The following GLDC variants were observed in gnomAD, a reference collection of about 807,000 sequenced individuals.
GLDC encodes the protein glycine decarboxylase, also known as glycine dehydrogenase (decarboxylating), mitochondrial.
GLDC carries 104 observed loss-of-function variants against 121.3 expected under a neutral mutation model. The ratio of observed to expected loss-of-function variants is 0.86; its 90% CI spans 0.73 to 1.01. GLDC has a LOEUF of 1.01. Among genes scored for constraint, GLDC ranks in the 50% least tolerant of loss-of-function variants. The pLI is 0.00. For synonymous variants in GLDC, 546 were observed against 480.6 expected (o/e 1.14, Z -1.78); for missense variants, 1,429 against 1,306.6 (o/e 1.09, Z -1.44).
chr9:6,549,772 A>G (rs1172299766), intron 21 of GLDC, among the ~76,000 whole-genome samples: 2 of 152,106 alleles, frequency 1.3e-5, no homozygotes, highest in African/African-American at 4.8e-5. Flanking sequence ...AGGTGTGATT[A>G]CAGGATTGCA....
chr9:6,604,993 T>G (rs1017351393), intron 6 of GLDC, 138 bp downstream of exon 6: 1 of 990,788 alleles, frequency 1.0e-6, no homozygotes, highest in African/African-American at 1.6e-5. Flanking sequence ...CAGCAAGGAG[T>G]CAGGAAGGAG....
At position 6,532,775 on chromosome 9, in the gene GLDC, G is replaced by A. The variant is rs1817026779; in HGVS notation, c.*242C>T. 3.9e-6 allele frequency: 2 copies of A among 509,524 alleles called. No homozygotes were observed. Among genetic ancestry groups the A allele is most frequent in the Non-Finnish European group, 7.1e-6 (2 of 281,284 alleles). 31.6% of individuals were successfully genotyped at this position (509,524 alleles called of 1,614,324 possible). ...AAACTTTCTACGCAAAACACAAAATGGCTCCCAATCCAGGCAACTGGCACA... is the reference window on the plus strand; with the variant it reads ...AAACTTTCTACGCAAAACACAAAATAGCTCCCAATCCAGGCAACTGGCACA... On this transcript the variant is annotated 3_prime_UTR_variant, in exon 25 of 25. Coordinates refer to ENST00000321612, the MANE Select transcript of GLDC (RefSeq NM_000170.3).
chr9:6,612,691 G>A (rs916823048), intron 3 of GLDC, among the ~76,000 whole-genome samples: 6 of 152,046 alleles, frequency 3.9e-5, no homozygotes, highest in African/African-American at 7.2e-5. Context: ...GTGAAACCCC[G>A]TCTCTACTAA....
rs778396953 is a variant in GLDC at position 6,553,428 on chromosome 9, G to T, written c.2397C>A (p.Thr799=). 1.2e-6 allele frequency: 2 copies of T among 1,613,560 alleles called. No individual in the cohort carries two copies. The highest frequency in any genetic ancestry group is 2.2e-5 in the East Asian group (1 of 44,858). The change falls in exon 20 of 25, where the codon ACC becomes ACA. Residue 799 remains threonine (T), a synonymous_variant. Coordinates refer to ENST00000321612, the MANE Select transcript of GLDC (RefSeq NM_000170.3). ...TGGAGCCCCATGGGGCCGCACTGAC[G>T]GTTCCCACAGGACAGGCATCCTCAT... ...KRNEDACPVG[T]VSAAPWGSSS... is the part of the protein sequence containing the mutation.
intron 11 of GLDC, 175 bp downstream of exon 11, chr9:6,591,968 G>C: frequency 1.5e-6 from 1 of 651,132 alleles, no homozygotes; most frequent in South Asian, 1.7e-5. Context: ...GAGCCCTACA[G>C]CAGTGACCTC....
At chr9:6,538,581 G>C (rs970910167) in intron 22 of GLDC, among the ~76,000 whole-genome samples, 1 of 152,150 alleles carries the variant, frequency 6.6e-6, no homozygotes, top group Non-Finnish European at 1.5e-5. Flanking sequence ...CTATGTGCCA[G>C]GCACCTGGAC....
At chr9:6,561,654 A>G (rs1370280897) in intron 16 of GLDC, among the ~76,000 whole-genome samples, 1 of 46,464 alleles carries the variant, frequency 2.2e-5, no homozygotes, top group African/African-American at 2.9e-4. Context: ...CTCTTGGGGG[A>G]AAAAAATTGT....
chr9:6,535,811 G>GATGC (rs1374294314), intron 23 of GLDC: 2 of 520,474 alleles, frequency 3.8e-6, no homozygotes, highest in Non-Finnish European at 7.0e-6. Context: ...ATCAAACAGA[G>GATGC]ATGCAGAATG....
intron 15 of GLDC, among the ~76,000 whole-genome samples, chr9:6,586,306 T>A (rs1049706209): frequency 3.3e-5 from 5 of 151,968 alleles, no homozygotes; most frequent in Non-Finnish European, 7.4e-5. Flanking sequence ...AAAAAACAAA[T>A]AAATAAATAA....
Position 6,619,145 on chromosome 9 carries a change from G to GAAAAAAAAA in GLDC, c.470+1038_470+1039insTTTTTTTTT, listed in dbSNP as rs1563864174. 1.5e-3 allele frequency among the ~76,000 whole-genome samples: 45 copies of GAAAAAAAAA among 30,206 alleles called. 3 individuals are homozygous for GAAAAAAAAA. Among genetic ancestry groups the GAAAAAAAAA allele is most frequent in the African/African-American group, 6.5e-3 (43 of 6,584 alleles). The allele number at this position is 30,206 out of a possible 152,430, so 19.8% of individuals were successfully genotyped here. A position where few individuals can be genotyped will look rare whatever the true frequency, so the allele number is the denominator to read the frequency against. On this transcript the variant is annotated intron_variant, in intron 3 of 24. Coordinates refer to ENST00000321612, the MANE Select transcript of GLDC (RefSeq NM_000170.3). ...GCAACAGAGTGAGACTCTGTCTCAGGCAAAAAAAAAAAAAAAAAAAAAAAA... is the reference window on the plus strand; with the variant it reads ...GCAACAGAGTGAGACTCTGTCTCAGGAAAAAAAAACAAAAAAAAAAAAAAAAAAAAAAAA...
chr9:6,600,666 C>T (rs1009847700), intron 8 of GLDC, among the ~76,000 whole-genome samples: 2 of 150,494 alleles, frequency 1.3e-5, no homozygotes, highest in Non-Finnish European at 3.0e-5. Flanking sequence ...GAACAGGACT[C>T]TATCTCAAAG....
intron 7 of GLDC, among the ~76,000 whole-genome samples, chr9:6,602,676 C>G (rs1239312054): frequency 6.8e-6 from 1 of 146,464 alleles, no homozygotes; most frequent in Non-Finnish European, 1.5e-5. Flanking sequence ...TTAGACTGTA[C>G]TCTGAGACAC....
intron 15 of GLDC, among the ~76,000 whole-genome samples, chr9:6,574,415 T>G (rs1818023156): frequency 6.7e-6 from 1 of 149,084 alleles, no homozygotes; most frequent in Non-Finnish European, 1.5e-5. Context: ...TGCAGTGAGC[T>G]GAGATTATGC....
chr9:6,561,270 G>T (rs540923614), intron 16 of GLDC, among the ~76,000 whole-genome samples: 51 of 152,328 alleles, frequency 3.3e-4, no homozygotes, highest in African/African-American at 1.2e-3. Flanking sequence ...TCATTTATAT[G>T]TTGCTGTCAG....
intron 21 of GLDC, among the ~76,000 whole-genome samples, chr9:6,544,121 A>G (rs945877890): frequency 6.6e-6 from 1 of 152,250 alleles, no homozygotes; most frequent in South Asian, 2.1e-4. Context: ...ACTACTCTGG[A>G]AAGCTCTGCT....
chr9:6,571,965 T>C (rs1014995829), intron 15 of GLDC, among the ~76,000 whole-genome samples: 2 of 152,228 alleles, frequency 1.3e-5, no homozygotes, highest in Admixed American at 1.3e-4. Context: ...GATCGCCTTT[T>C]CAATAAATGG....
At chr9:6,606,875 C>T (rs1485012143) in intron 4 of GLDC, among the ~76,000 whole-genome samples, 4 of 151,906 alleles carry the variant, frequency 2.6e-5, no homozygotes, top group African/African-American at 9.7e-5. Flanking sequence ...GAGTTCGAGA[C>T]CAGCCTGGCC....
chr9:6,561,750 G>C (rs1414905031), intron 16 of GLDC, among the ~76,000 whole-genome samples: 1 of 152,174 alleles, frequency 6.6e-6, no homozygotes, highest in East Asian at 1.9e-4. Context: ...GTGCATTGAT[G>C]CCCATTTAGG....
chr9:6,556,081 T>G, intron 18 of GLDC, 72 bp downstream of exon 18: 1 of 1,347,584 alleles, frequency 7.4e-7, no homozygotes, highest in Non-Finnish European at 1.1e-6. Flanking sequence ...TCTCAAGAAG[T>G]CAGAATTTTT....
Sources: allele counts gnomAD v4.1 joint callset (sites outside exome capture counted in the v4.1 genomes callset), GRCh38; gene constraint gnomAD v4.1.1; transcripts MANE v1.5; gene names NCBI Gene and HGNC (gene_info 2026-07-23, HGNC 2026-07-21).